The following CSMD1 variants were observed in gnomAD, a reference collection of about 807,000 sequenced individuals.
CSMD1 encodes the protein CUB and sushi domain-containing protein 1.
In CSMD1, 213 loss-of-function variants were observed where a neutral mutation model predicts 417.5. The observed-to-expected ratio is 0.51, with a 90% CI of 0.46 to 0.57. The LOEUF is 0.57. Among genes scored for constraint, CSMD1 ranks in the 20% least tolerant of loss-of-function variants. The pLI, the probability that CSMD1 is intolerant of heterozygous loss-of-function variation, is 0.00. For synonymous variants in CSMD1, 2,862 were observed against 1,736.8 expected (o/e 1.65, Z -16.11); for missense variants, 6,923 against 4,529.7 (o/e 1.53, Z -15.17).
intron 2 of CSMD1, among the ~76,000 whole-genome samples, chr8:4,611,319 T>C (rs2130791092): frequency 6.6e-6 from 1 of 152,328 alleles, no homozygotes; most frequent in East Asian, 1.9e-4. Context: ...TATTATTCCC[T>C]CTTTGAAGAC....
intron 1 of CSMD1, among the ~76,000 whole-genome samples, chr8:4,782,807 C>T (rs1448640908): frequency 2.0e-5 from 3 of 152,104 alleles, no homozygotes; most frequent in African/African-American, 7.2e-5. Flanking sequence ...TCTATTTTCA[C>T]ATGGTCCACC....
intron 3 of CSMD1, among the ~76,000 whole-genome samples, chr8:4,237,173 C>A (rs997184662): frequency 6.6e-6 from 1 of 152,138 alleles, no homozygotes; most frequent in Non-Finnish European, 1.5e-5. Context: ...CATCAAGCTC[C>A]CTTCGCCTTT....
At chr8:4,397,334 G>T (rs1314841615) in intron 3 of CSMD1, among the ~76,000 whole-genome samples, 1 of 152,100 alleles carries the variant, frequency 6.6e-6, no homozygotes, top group African/African-American at 2.4e-5. Flanking sequence ...TTCAACTGAA[G>T]ATTATCTTTC....
chr8:3,430,715 GAGGATC>G (rs1231260458), intron 12 of CSMD1, among the ~76,000 whole-genome samples: 6 of 152,160 alleles, frequency 3.9e-5, no homozygotes, highest in African/African-American at 1.4e-4. Flanking sequence ...GCTGAGGCAA[GAGGATC>G]ACCTGAACCC....
At chr8:4,704,752 G>A (rs962486928) in intron 1 of CSMD1, among the ~76,000 whole-genome samples, 2 of 152,166 alleles carry the variant, frequency 1.3e-5, no homozygotes, top group Non-Finnish European at 2.9e-5. Context: ...CTGGATATGT[G>A]TGAGTTGTCG....
chr8:3,485,468 A>G (rs1200596842), intron 11 of CSMD1, among the ~76,000 whole-genome samples: 2 of 151,704 alleles, frequency 1.3e-5, no homozygotes, highest in East Asian at 3.9e-4. Flanking sequence ...ACCTGTCTTG[A>G]CTGTGGCGGA....
intron 1 of CSMD1, chr8:4,788,517 G>A: frequency 6.3e-6 from 9 of 1,421,916 alleles, no homozygotes; most frequent in Non-Finnish European, 7.9e-6. Context: ...AGCAAACTGT[G>A]AGCAAGCATT....
intron 41 of CSMD1, chr8:3,128,684 C>T: frequency 2.9e-6 from 1 of 343,734 alleles, no homozygotes; most frequent in Non-Finnish European, 5.7e-6. Context: ...GATATGATAC[C>T]CTACAAGAAA....
intron 3 of CSMD1, among the ~76,000 whole-genome samples, chr8:4,300,592 G>A (rs1218039556): frequency 1.3e-5 from 2 of 152,106 alleles, no homozygotes; most frequent in African/African-American, 4.8e-5. Context: ...GTGCGGGTTT[G>A]TTTCATATGT....
chr8:3,918,689 C>T (rs375045488), intron 5 of CSMD1, among the ~76,000 whole-genome samples: 1 of 152,114 alleles, frequency 6.6e-6, no homozygotes, highest in Non-Finnish European at 1.5e-5. Flanking sequence ...TGGAATACTA[C>T]TGAGCCATAA....
At chr8:4,039,328 G>T (rs1387202565) in intron 3 of CSMD1, among the ~76,000 whole-genome samples, 1 of 152,236 alleles carries the variant, frequency 6.6e-6, no homozygotes, top group Non-Finnish European at 1.5e-5. Flanking sequence ...AAATGTGTTT[G>T]TTTTGGACTA....
rs1354738699 is a variant in CSMD1 at position 3,421,684 on chromosome 8, C to A, written c.1562-12079G>T. 3.9e-5 allele frequency among the ~76,000 whole-genome samples: 6 copies of A among 152,212 alleles called. No homozygotes were observed. The East Asian group carries it at 1.2e-3, about 29-fold the overall frequency. Reference sequence around the variant, plus strand: ...ACAGTGTCTTGCTCTGTTGCCCAGACTGCAGTGCACTGCTGTAATCTTGGC... The same window carrying A: ...ACAGTGTCTTGCTCTGTTGCCCAGAATGCAGTGCACTGCTGTAATCTTGGC... On this transcript the variant is annotated intron_variant, in intron 12 of 69. Coordinates refer to ENST00000635120, the MANE Select transcript of CSMD1 (RefSeq NM_033225.6).
At chr8:3,580,396 G>T (rs888218981) in intron 9 of CSMD1, among the ~76,000 whole-genome samples, 1 of 152,102 alleles carries the variant, frequency 6.6e-6, no homozygotes, top group South Asian at 2.1e-4. Flanking sequence ...AGGGATACCT[G>T]GGGGGAGGCG....
At chr8:2,955,271 T>C (rs1802919606) in intron 64 of CSMD1, among the ~76,000 whole-genome samples, 1 of 152,246 alleles carries the variant, frequency 6.6e-6, no homozygotes, top group African/African-American at 2.4e-5. Flanking sequence ...CAAGTATTAT[T>C]TTCCTTTTAA....
intron 23 of CSMD1, among the ~76,000 whole-genome samples, chr8:3,318,314 CTAAT>C (rs889208987): frequency 2.6e-5 from 4 of 152,106 alleles, no homozygotes; most frequent in African/African-American, 9.7e-5. Context: ...CTGTAGTTCT[CTAAT>C]TGAGAACATA....
At chr8:3,499,069 T>A (rs1796485173) in intron 10 of CSMD1, among the ~76,000 whole-genome samples, 3 of 152,188 alleles carry the variant, frequency 2.0e-5, no homozygotes, top group Admixed American at 6.5e-5. Flanking sequence ...TTTTTAGACA[T>A]TTCTTGTGTT....
chr8:3,070,751 A>T (rs1461675183), intron 49 of CSMD1, among the ~76,000 whole-genome samples: 1 of 152,096 alleles, frequency 6.6e-6, no homozygotes, highest in African/African-American at 2.4e-5. Flanking sequence ...AGGTTTCCAA[A>T]CCTTCCCAAC....
chr8:3,812,537 TA>T (rs1801144533), intron 5 of CSMD1, among the ~76,000 whole-genome samples: 1 of 152,296 alleles, frequency 6.6e-6, no homozygotes, highest in South Asian at 2.1e-4. Flanking sequence ...GTTCAAAAGC[TA>T]AGCTGAAATT....
chr8:3,548,659 T>TACACAC (rs146360407), intron 10 of CSMD1, among the ~76,000 whole-genome samples: 25,848 of 132,898 alleles, frequency 0.19, 2,589 homozygotes, highest in Middle Eastern at 0.25. Flanking sequence ...TATTCCATCA[T>TACACAC]ACACACACAC....
Sources: allele counts gnomAD v4.1 joint callset (sites outside exome capture counted in the v4.1 genomes callset), GRCh38; gene constraint gnomAD v4.1.1; transcripts MANE v1.5; gene names NCBI Gene and HGNC (gene_info 2026-07-23, HGNC 2026-07-21).